Variants in LRP2BP observed in about 807,000 individuals in gnomAD.
The protein encoded by LRP2BP is LRP2 binding protein, also known as LRP2-binding protein.
A neutral mutation model predicts 45.2 loss-of-function variants in LRP2BP; 38 were observed. The observed-to-expected ratio is 0.84, with a 90% confidence interval of 0.65 to 1.10. The LOEUF (loss-of-function observed/expected upper bound fraction) is 1.10, where lower values mean the gene tolerates loss of function less well. LRP2BP is among the 50% of genes least tolerant of loss of function. The pLI is 0.00. For synonymous variants in LRP2BP, 153 were observed against 153.9 expected, an observed-to-expected ratio of 0.99 and a Z score of 0.04; for missense variants, 385 against 418.9, an observed-to-expected ratio of 0.92 and a Z score of 0.71.
intron 4 of LRP2BP, among the ~76,000 whole-genome samples, chr4:185,374,863 G>C (rs561439334): frequency 6.6e-6 from 1 of 152,086 alleles, no homozygotes; most frequent in East Asian, 1.9e-4. Flanking sequence ...TAATTCTTAC[G>C]ATACACTTGC....
At chr4:185,392,509 A>G (rs964124377) in intron 1 of LRP2BP, among the ~76,000 whole-genome samples, 1 of 152,094 alleles carries the variant, frequency 6.6e-6, no homozygotes, top group East Asian at 1.9e-4. Context: ...CGTTTTTACA[A>G]TTATTAGGGT....
chr4:185,368,342 T>G (rs559911937), intron 8 of LRP2BP, among the ~76,000 whole-genome samples: 1 of 152,278 alleles, frequency 6.6e-6, no homozygotes, highest in Admixed American at 6.5e-5. Context: ...AGAGCAGGCC[T>G]GGGTCTGTCG....
At chr4:185,386,752 A>G (rs1360061037) in intron 1 of LRP2BP, among the ~76,000 whole-genome samples, 1 of 152,194 alleles carries the variant, frequency 6.6e-6, no homozygotes. Flanking sequence ...TAAACGGAGG[A>G]GTCAGTAGAA....
intron 1 of LRP2BP, among the ~76,000 whole-genome samples, chr4:185,391,530 T>G (rs745548908): frequency 1.3e-5 from 2 of 152,194 alleles, no homozygotes; most frequent in Non-Finnish European, 2.9e-5. Flanking sequence ...ATTCAGTTGT[T>G]TATATCAGTA....
chr4:185,397,001 T>A (rs2095505250), upstream of LRP2BP: 1 of 1,611,684 alleles, frequency 6.2e-7, no homozygotes, highest in African/African-American at 1.3e-5. Flanking sequence ...GGCTCAAGCT[T>A]CTAGATTCGT....
intron 1 of LRP2BP, among the ~76,000 whole-genome samples, chr4:185,386,812 G>C (rs571755794): frequency 6.6e-6 from 1 of 152,310 alleles, no homozygotes; most frequent in South Asian, 2.1e-4. Flanking sequence ...GTGACAAGCT[G>C]AGGCACCAGC....
At chr4:185,397,267 T>C, upstream of LRP2BP, 3 of 1,614,094 alleles carry the variant, frequency 1.9e-6, no homozygotes, top group Non-Finnish European at 2.5e-6. Flanking sequence ...CTTTCTTCTC[T>C]GGCAGCTGCA....
chr4:185,384,091 C>T (rs1329683375), intron 1 of LRP2BP, among the ~76,000 whole-genome samples: 4 of 152,130 alleles, frequency 2.6e-5, no homozygotes, highest in Non-Finnish European at 4.4e-5. Context: ...TGAAACTTAA[C>T]CCCCTAAGGT....
chr4:185,385,888 A>G (rs966857688), intron 1 of LRP2BP, among the ~76,000 whole-genome samples: 4 of 126,266 alleles, frequency 3.2e-5, no homozygotes, highest in Non-Finnish European at 6.5e-5. Flanking sequence ...GTGACAGAGC[A>G]AGACTCTGTC....
At chr4:185,388,516 A>G (rs920100524) in intron 1 of LRP2BP, among the ~76,000 whole-genome samples, 14 of 129,176 alleles carry the variant, frequency 1.1e-4, no homozygotes, top group African/African-American at 4.5e-4. Flanking sequence ...TAGGCTATCT[A>G]TCTACCTACC....
chr4:185,396,176 C>T (rs1014266238), upstream of LRP2BP: 1 of 152,276 alleles, frequency 6.6e-6, no homozygotes, highest in Non-Finnish European at 1.5e-5. Flanking sequence ...CGGGCTCGGC[C>T]GTTGCCACTC....
rs1049386882 is a variant in LRP2BP at position 185,365,308 on chromosome 4, T to A, written c.*1872A>T. The A allele has an allele frequency of 2.0e-5, 3 of 152,184 alleles. No homozygotes were observed. Among genetic ancestry groups the A allele is most frequent in the African/African-American group, 7.2e-5 (3 of 41,450 alleles). The allele number at this position is 152,184 out of a possible 1,614,324, so 9.4% of individuals were successfully genotyped here. A position where few individuals can be genotyped will look rare whatever the true frequency, so the allele number is the denominator to read the frequency against. Reference sequence around the variant, plus strand: ...CCATCTTTAATGGCAGTTTAAAAAGTGCTCTTTACTTAGGGCCGATCTTTT... The same window carrying A: ...CCATCTTTAATGGCAGTTTAAAAAGAGCTCTTTACTTAGGGCCGATCTTTT... On this transcript the variant is annotated 3_prime_UTR_variant, in exon 9 of 9. Transcript: ENST00000505916.
chr4:185,396,708 G>A (rs1239109361), upstream of LRP2BP: 10 of 579,352 alleles, frequency 1.7e-5, no homozygotes, highest in Admixed American at 9.5e-5. Context: ...ACGTGCGGCC[G>A]TGGCGGGGCT....
chr4:185,388,494 ATCAGG>A (rs2095478598), intron 1 of LRP2BP, among the ~76,000 whole-genome samples: 1 of 31,706 alleles, frequency 3.2e-5, no homozygotes, highest in Non-Finnish European at 7.0e-5. Context: ...CTGCCTACCT[ATCAGG>A]CCTACCTAGG....
Position 185,373,007 on chromosome 4 carries a change from A to C in LRP2BP, c.652T>G (p.Leu218Val), listed in dbSNP as rs1227505996. The C allele has an allele frequency of 6.2e-7, 1 of 1,613,888 alleles. No homozygotes were observed. Reference sequence around the variant, plus strand: ...TCCTGCCGGATGCCTTGTCCATACAAGTACATGAGCCCAAGTGCACCCTGG... The same window carrying C: ...TCCTGCCGGATGCCTTGTCCATACACGTACATGAGCCCAAGTGCACCCTGG... Reference protein sequence around the residue: ...ESQGALGLMYLYGQGIRQDTE... With the variant: ...ESQGALGLMYVYGQGIRQDTE... The change falls in exon 7 of 9, where the codon TTG (leucine) becomes GTG (valine). Residue 218 changes from leucine (L) to valine (V), a missense_variant. Transcript: ENST00000505916.
intron 8 of LRP2BP, 57 bp downstream of exon 8, chr4:185,370,583 A>G: frequency 1.3e-6 from 2 of 1,559,884 alleles, no homozygotes; most frequent in Middle Eastern, 1.9e-4. Flanking sequence ...TTCAAGTTGC[A>G]GCTAAAAGCC....
At chr4:185,368,555 G>T (rs762434241) in intron 8 of LRP2BP, among the ~76,000 whole-genome samples, 1 of 152,158 alleles carries the variant, frequency 6.6e-6, no homozygotes, top group Non-Finnish European at 1.5e-5. Context: ...TGCTCTGAGG[G>T]AGACCATTTC....
chr4:185,380,828 T>C (rs1047874130), intron 1 of LRP2BP, among the ~76,000 whole-genome samples: 1 of 152,124 alleles, frequency 6.6e-6, no homozygotes, highest in African/African-American at 2.4e-5. Flanking sequence ...TTTCAGATTT[T>C]CCATCGTTTT....
At chr4:185,382,038 C>G (rs1010977978) in intron 1 of LRP2BP, among the ~76,000 whole-genome samples, 2 of 152,172 alleles carry the variant, frequency 1.3e-5, no homozygotes, top group Non-Finnish European at 2.9e-5. Flanking sequence ...ATTCTCCTCC[C>G]TTCAGTTCCT....
Sources: allele counts gnomAD v4.1 joint callset (sites outside exome capture counted in the v4.1 genomes callset), GRCh38; gene constraint gnomAD v4.1.1; transcripts MANE v1.5; gene names NCBI Gene and HGNC (gene_info 2026-07-23, HGNC 2026-07-21).